Variants in HDAC9 observed in about 807,000 individuals in gnomAD.
HDAC9 encodes histone deacetylase 9.
Under a neutral mutation model 139.4 loss-of-function variants are expected in HDAC9, and 41 were observed. That is an observed-to-expected ratio of 0.29 (90% CI 0.23 to 0.38). The LOEUF (loss-of-function observed/expected upper bound fraction) is 0.38. Ranked by LOEUF, HDAC9 falls within the 10% of genes least tolerant of loss-of-function variation. HDAC9 has a pLI of 1.00. For missense variants in HDAC9, 1,147 were observed against 1,297.0 expected (o/e 0.88, Z 1.78); for synonymous variants, 517 against 476.2 (o/e 1.09, Z -1.12).
At chr7:18,980,785 T>TC (rs1554418618) in intron 25 of HDAC9, among the ~76,000 whole-genome samples, 8 of 149,846 alleles carry the variant, frequency 5.3e-5, no homozygotes, top group African/African-American at 1.2e-4. Flanking sequence ...TTCCTCTTCT[T>TC]CTTCTTCCTT....
chr7:18,364,979 CAG>C (rs1294255288), intron 1 of HDAC9, among the ~76,000 whole-genome samples: 1 of 152,098 alleles, frequency 6.6e-6, no homozygotes, highest in Admixed American at 6.5e-5. Context: ...AAGTGTCACA[CAG>C]GGTAAAAGAT....
chr7:18,513,034 CTGTT>C (rs1365283569), intron 2 of HDAC9, among the ~76,000 whole-genome samples: 1 of 152,166 alleles, frequency 6.6e-6, no homozygotes, highest in Non-Finnish European at 1.5e-5. Context: ...AGAGGACAAA[CTGTT>C]AATTAAATAG....
intron 12 of HDAC9, among the ~76,000 whole-genome samples, chr7:18,685,489 A>G (rs981751011): frequency 6.6e-6 from 1 of 152,076 alleles, no homozygotes; most frequent in African/African-American, 2.4e-5. Flanking sequence ...CCATGCTGAC[A>G]TGTAAAGATG....
At chr7:18,411,522 A>C (rs1788549121) in intron 1 of HDAC9, among the ~76,000 whole-genome samples, 1 of 151,224 alleles carries the variant, frequency 6.6e-6, no homozygotes, top group African/African-American at 2.4e-5. Flanking sequence ...CTACAGGTGT[A>C]CACCATCACA....
intron 21 of HDAC9, among the ~76,000 whole-genome samples, chr7:18,855,083 C>T (rs142576883): frequency 1.1e-3 from 161 of 152,220 alleles, no homozygotes; most frequent in Non-Finnish European, 1.6e-3. Flanking sequence ...AGCTAGAAGG[C>T]GTCCCTTAAT....
At chr7:18,226,583 G>A (rs1250175044) in intron 2 of HDAC9, among the ~76,000 whole-genome samples, 3 of 152,188 alleles carry the variant, frequency 2.0e-5, no homozygotes, top group Admixed American at 6.5e-5. Flanking sequence ...AATGATGTGT[G>A]TAAGACAGAG....
At chr7:18,958,706 A>G (rs1333344665) in intron 24 of HDAC9, among the ~76,000 whole-genome samples, 4 of 152,124 alleles carry the variant, frequency 2.6e-5, no homozygotes, top group African/African-American at 9.7e-5. Context: ...TAGTCTGTCA[A>G]TGTTTGCCAC....
intron 13 of HDAC9, among the ~76,000 whole-genome samples, chr7:18,728,402 AACACAC>A (rs56281287): frequency 0.12 from 17,589 of 145,356 alleles, 1,039 homozygotes; most frequent in South Asian, 0.18. Context: ...TTAAGTGTGG[AACACAC>A]ACACACACAC....
intron 17 of HDAC9, among the ~76,000 whole-genome samples, chr7:18,824,474 A>G (rs1355175014): frequency 6.6e-6 from 1 of 152,248 alleles, no homozygotes; most frequent in African/African-American, 2.4e-5. Flanking sequence ...GCAAACATAA[A>G]TGAGATGAAT....
At chr7:18,126,317 C>T (rs773403257) in intron 1 of HDAC9, among the ~76,000 whole-genome samples, 1 of 151,874 alleles carries the variant, frequency 6.6e-6, no homozygotes, top group Non-Finnish European at 1.5e-5. Context: ...ACTTGAAAAC[C>T]CCAGGTGAAT....
At chr7:18,110,081 G>A (rs190496367) in intron 1 of HDAC9, among the ~76,000 whole-genome samples, 3 of 152,320 alleles carry the variant, frequency 2.0e-5, no homozygotes, top group African/African-American at 7.2e-5. Context: ...AAAATACTTG[G>A]AGTAATGCCA....
chr7:18,283,065 G>GT (rs1562832375), intron 2 of HDAC9, among the ~76,000 whole-genome samples: 1 of 151,932 alleles, frequency 6.6e-6, no homozygotes, highest in East Asian at 1.9e-4. Context: ...TAAGAAGAGT[G>GT]TATTAGTCTG....
Position 18,428,125 on chromosome 7 carries a change from C to T in HDAC9, c.-41-68137C>T, listed in dbSNP as rs140093458. On this transcript the variant is annotated intron_variant, in intron 1 of 3. Coordinates refer to the HDAC9 transcript ENST00000413509. ...ATGTATACCACATTTTAAAAATGTA[C>T]ATTCATCTGTCAGTGTACATTTATA... Among the ~76,000 whole-genome samples the T allele has an allele frequency of 9.5e-4, 144 of 152,174 alleles. 1 individual carries two copies. The East Asian group carries it at 0.018, about 19-fold the overall frequency.
intron 1 of HDAC9, among the ~76,000 whole-genome samples, chr7:18,142,794 C>A (rs1005252558): frequency 1.3e-5 from 2 of 152,152 alleles, no homozygotes; most frequent in African/African-American, 4.8e-5. Flanking sequence ...GAGGACGTGG[C>A]GGGTCAAGAC....
intron 2 of HDAC9, among the ~76,000 whole-genome samples, chr7:18,556,778 T>A (rs1297762100): frequency 6.6e-6 from 1 of 152,074 alleles, no homozygotes; most frequent in Non-Finnish European, 1.5e-5. Context: ...TTGGTAATGC[T>A]GCATACATAA....
intron 1 of HDAC9, among the ~76,000 whole-genome samples, chr7:18,298,525 A>G (rs961990150): frequency 4.6e-5 from 7 of 152,086 alleles, no homozygotes; most frequent in African/African-American, 1.7e-4. Context: ...ATGAGTGAGA[A>G]TATGCGGTGT....
rs943938973 is a variant in HDAC9, at chr7:18,727,533, A to G, written c.1732-47A>G. 4.0e-6 allele frequency: 6 copies of G among 1,508,314 alleles called. No individual in the cohort carries two copies. The African/African-American group carries it at 5.6e-5, about 14-fold the overall frequency. The allele number at this position is 1,508,314 out of a possible 1,614,324, so 93.4% of individuals were successfully genotyped here. On this transcript the variant is annotated intron_variant, in intron 12 of 25. Coordinates refer to ENST00000686413, the MANE Select transcript of HDAC9 (RefSeq NM_178425.4). ...GACATGTCGCTCAGTGTCTCCCTCA[A>G]TCCTTGTCTCACATTTCTTTCTACT...
intron 22 of HDAC9, among the ~76,000 whole-genome samples, chr7:18,880,276 C>T (rs1054600703): frequency 3.9e-5 from 6 of 152,090 alleles, no homozygotes; most frequent in Non-Finnish European, 5.9e-5. Context: ...AAAAGTACAA[C>T]CACCATTTGA....
At chr7:18,877,230 T>A (rs1307853772) in intron 22 of HDAC9, among the ~76,000 whole-genome samples, 2 of 152,166 alleles carry the variant, frequency 1.3e-5, no homozygotes, top group East Asian at 1.9e-4. Flanking sequence ...CTGGGATTAC[T>A]AGATAGCTCA....
Sources: allele counts gnomAD v4.1 joint callset (sites outside exome capture counted in the v4.1 genomes callset), GRCh38; gene constraint gnomAD v4.1.1; transcripts MANE v1.5; gene names NCBI Gene and HGNC (gene_info 2026-07-23, HGNC 2026-07-21).